MAP4K3: variants seen among roughly 807,000 people sequenced by gnomAD.
The protein encoded by MAP4K3 is MAPK/ERK kinase kinase kinase 3.
In MAP4K3, 94 loss-of-function variants were observed where a neutral mutation model predicts 143.5. The ratio of observed to expected loss-of-function variants is 0.65; its 90% CI spans 0.55 to 0.78. The LOEUF (loss-of-function observed/expected upper bound fraction) is 0.78, where lower values mean the gene tolerates loss of function less well. MAP4K3 is among the 30% of genes least tolerant of loss of function. The pLI is 0.00. For missense variants in MAP4K3, 1,077 were observed against 1,068.1 expected (o/e 1.01, Z -0.12); for synonymous variants, 416 against 347.2 (o/e 1.20, Z -2.20).
intron 1 of MAP4K3, among the ~76,000 whole-genome samples, chr2:39,392,445 C>G (rs900394311): frequency 2.0e-5 from 3 of 152,164 alleles, no homozygotes; most frequent in Non-Finnish European, 2.9e-5. Context: ...AAGTGACGCT[C>G]TTAAATTAGA....
At chr2:39,302,904 G>A (rs1463001405) in intron 15 of MAP4K3, among the ~76,000 whole-genome samples, 2 of 152,144 alleles carry the variant, frequency 1.3e-5, no homozygotes, top group African/African-American at 4.8e-5. Context: ...TTTAGCGAAT[G>A]GGAGACTATT....
At chr2:39,418,322 G>T (rs1015855592) in intron 1 of MAP4K3, among the ~76,000 whole-genome samples, 2 of 152,022 alleles carry the variant, frequency 1.3e-5, no homozygotes, top group South Asian at 2.1e-4. Flanking sequence ...TGTAGTACTG[G>T]ATCATAACCC....
chr2:39,269,428 G>A (rs975000159), intron 26 of MAP4K3, among the ~76,000 whole-genome samples: 1 of 148,070 alleles, frequency 6.8e-6, no homozygotes, highest in Non-Finnish European at 1.5e-5. Flanking sequence ...TAAAGAGGTA[G>A]GTTACAGCAT....
intron 3 of MAP4K3, among the ~76,000 whole-genome samples, chr2:39,347,215 G>T (rs1367330944): frequency 1.3e-5 from 2 of 152,096 alleles, no homozygotes; most frequent in African/African-American, 4.8e-5. Context: ...AAATGTCTCA[G>T]CTTTAATTTC....
chr2:39,328,296 A>C (rs1683559450), intron 8 of MAP4K3, among the ~76,000 whole-genome samples: 1 of 152,204 alleles, frequency 6.6e-6, no homozygotes, highest in Non-Finnish European at 1.5e-5. Context: ...ACACGACTGC[A>C]CTTCAGCCTG....
At chr2:39,299,533 C>T (rs1682423437) in intron 16 of MAP4K3, among the ~76,000 whole-genome samples, 1 of 152,020 alleles carries the variant, frequency 6.6e-6, no homozygotes, top group Non-Finnish European at 1.5e-5. Flanking sequence ...AGCAATGTAG[C>T]TTGATATAAA....
In MAP4K3 at chr2:39,272,523, G is replaced by A. The variant is rs1681071807; in HGVS notation, c.1814C>T (p.Thr605Ile). Reference protein sequence around the residue: ...SMEQLFPRRCTWLYVMNNCLL... With the variant: ...SMEQLFPRRCIWLYVMNNCLL... ...GCAATTGTTCATTACATACAACCAT[G>A]TACACCTTCGAGGGAATAGCTGATT... Residue 605 changes from threonine to isoleucine, a missense_variant, in exon 25 of 34, where the codon ACA becomes ATA. Physicochemically the swap from Thr to Ile is moderately conservative, Grantham distance 89. Transcript: ENST00000263881. 1 of 1,613,088 alleles carries A rather than the reference G, an allele frequency of 6.2e-7. No homozygotes were observed. Among genetic ancestry groups the A allele is most frequent in the Non-Finnish European group, 8.5e-7 (1 of 1,179,468 alleles).
intron 1 of MAP4K3, among the ~76,000 whole-genome samples, chr2:39,405,086 C>A (rs566004952): frequency 1.4e-4 from 21 of 152,306 alleles, no homozygotes; most frequent in African/African-American, 4.3e-4. Context: ...TAGGCAGTAA[C>A]CAGGTAGGGG....
intron 3 of MAP4K3, among the ~76,000 whole-genome samples, chr2:39,355,337 G>A (rs1665581014): frequency 7.4e-6 from 1 of 134,730 alleles, no homozygotes; most frequent in East Asian, 2.3e-4. Context: ...CTCCAGCCTA[G>A]TGACAGAGCA....
At chr2:39,351,574 T>A (rs1665459291) in intron 3 of MAP4K3, among the ~76,000 whole-genome samples, 1 of 152,260 alleles carries the variant, frequency 6.6e-6, no homozygotes, top group Non-Finnish European at 1.5e-5. Flanking sequence ...AAATAATGTA[T>A]AAACACTTTG....
chr2:39,329,194 T>C lies in MAP4K3; in HGVS notation c.530+2723A>G, dbSNP rs565458402. On this transcript the variant is annotated intron_variant, in intron 8 of 33. Coordinates refer to ENST00000263881, the MANE Select transcript of MAP4K3 (RefSeq NM_003618.4). ...ATCATTAACATTCAGTGAATGAATA[T>C]TGTATAGAATCAAGTCAGATCCTGA... is the stretch of plus-strand genomic sequence containing the variant. Among the ~76,000 whole-genome samples the C allele has an allele frequency of 2.0e-5, 3 of 152,314 alleles. No homozygotes were observed. In the South Asian group the frequency reaches 6.2e-4, roughly 32 times the overall value.
intron 29 of MAP4K3, 28 bp from the exon 30 acceptor site, chr2:39,258,615 C>A (rs1233047547): frequency 2.0e-6 from 3 of 1,466,388 alleles, no homozygotes; most frequent in Non-Finnish European, 2.9e-6. Context: ...TTTGGTAAAC[C>A]TACAGAAACT....
chr2:39,433,033 A>G (rs1665341980), intron 1 of MAP4K3, among the ~76,000 whole-genome samples: 1 of 152,242 alleles, frequency 6.6e-6, no homozygotes, highest in African/African-American at 2.4e-5. Context: ...GGAGTTTGCT[A>G]GGTTAAGCAA....
intron 2 of MAP4K3, among the ~76,000 whole-genome samples, chr2:39,364,035 G>A (rs1665848866): frequency 6.7e-6 from 1 of 149,444 alleles, no homozygotes; most frequent in South Asian, 2.1e-4. Context: ...GTGTTGTCCA[G>A]GATATGAATA....
At chr2:39,258,763 A>G (rs1680445744) in intron 29 of MAP4K3, among the ~76,000 whole-genome samples, 176 bp from the exon 30 acceptor site, 1 of 152,252 alleles carries the variant, frequency 6.6e-6, no homozygotes, top group South Asian at 2.1e-4. Flanking sequence ...AGTGCTAAAC[A>G]ACGTAAGTGC....
At chr2:39,337,606 C>T (rs1481855680) in intron 4 of MAP4K3, 25 bp from the exon 5 acceptor site, 1 of 1,526,256 alleles carries the variant, frequency 6.6e-7, no homozygotes, top group Non-Finnish European at 9.1e-7. Flanking sequence ...AATTAATACT[C>T]ATAAAATTAG....
At chr2:39,277,086 C>T (rs977034046) in intron 24 of MAP4K3, among the ~76,000 whole-genome samples, 7 of 152,188 alleles carry the variant, frequency 4.6e-5, no homozygotes, top group African/African-American at 1.7e-4. Flanking sequence ...CACTCTTTTA[C>T]CATTTGACCA....
At chr2:39,299,023 C>T (rs1456690261) in intron 16 of MAP4K3, among the ~76,000 whole-genome samples, 3 of 150,750 alleles carry the variant, frequency 2.0e-5, no homozygotes, top group Non-Finnish European at 4.4e-5. Flanking sequence ...AATATATGCA[C>T]TGCTGGAAGA....
Position 39,280,320 on chromosome 2 carries a change from G to A in MAP4K3, c.1666C>T (p.Pro556Ser). Residue 556 changes from proline (P) to serine (S), a missense_variant, in exon 23 of 34, where the codon CCC becomes TCC. This residue lies in a region of MAP4K3 where 864 missense variants were observed against 801.2 expected (regional missense o/e 1.08). Coordinates refer to ENST00000263881, the MANE Select transcript of MAP4K3 (RefSeq NM_003618.4). ...ACFSKVFNGC[P>S]LKIHCASSWI... ...GATGATGCACAGTGAATTTTCAAGG[G>A]ACACCCATTAAAAACTTTTGAAAAA... 6.2e-7 allele frequency: 1 copy of A among 1,604,178 alleles called. No individual in the cohort carries two copies. The highest frequency in any genetic ancestry group is 8.5e-7 in the Non-Finnish European group (1 of 1,174,054).
Sources: allele counts gnomAD v4.1 joint callset (sites outside exome capture counted in the v4.1 genomes callset), GRCh38; gene constraint gnomAD v4.1.1; regional missense constraint gnomAD v4.1.1; transcripts MANE v1.5; gene names NCBI Gene and HGNC (gene_info 2026-07-23, HGNC 2026-07-21).